Variants in ANKRD10 observed in about 807,000 individuals in gnomAD.
The protein encoded by ANKRD10 is ankyrin repeat domain 10, also known as ankyrin repeat domain-containing protein 10.
ANKRD10 carries 14 observed loss-of-function variants against 27.0 expected under a neutral mutation model. The ratio of observed to expected loss-of-function variants is 0.52; its 90% CI spans 0.34 to 0.81. ANKRD10 has a LOEUF of 0.81. Ranked by LOEUF, ANKRD10 falls within the 40% of genes least tolerant of loss-of-function variation. The probability of loss-of-function intolerance (pLI) is 0.01; values close to 1 mark genes in which losing one functional copy is unlikely to be tolerated. For synonymous variants in ANKRD10, 250 were observed against 224.5 expected (o/e 1.11, Z -1.01); for missense variants, 493 against 544.0 (o/e 0.91, Z 0.93).
intron 1 of ANKRD10, chr13:110,911,758 AAC>A (rs1407475441): frequency 6.6e-6 from 1 of 152,286 alleles, no homozygotes; most frequent in African/African-American, 2.4e-5. Flanking sequence ...CAGCGTGGGC[AAC>A]AGAGCAAGAC....
intron 4 of ANKRD10, among the ~76,000 whole-genome samples, chr13:110,892,220 C>T (rs536788870): frequency 6.7e-6 from 1 of 149,234 alleles, no homozygotes; most frequent in South Asian, 2.1e-4. Context: ...TTACTGGAGG[C>T]CAGGAGTTCA....
intron 3 of ANKRD10, among the ~76,000 whole-genome samples, chr13:110,900,031 G>A (rs1233074644): frequency 6.6e-6 from 1 of 152,032 alleles, no homozygotes; most frequent in South Asian, 2.1e-4. Flanking sequence ...AGGCAACACA[G>A]GAAGACCCTG....
At chr13:110,888,255 G>A (rs906084551) in intron 4 of ANKRD10, among the ~76,000 whole-genome samples, 2 of 149,564 alleles carry the variant, frequency 1.3e-5, no homozygotes, top group African/African-American at 5.0e-5. Context: ...TCCCACTGGA[G>A]TGTCCACAAC....
intron 3 of ANKRD10, among the ~76,000 whole-genome samples, chr13:110,896,585 G>A (rs1237971334): frequency 2.0e-5 from 3 of 152,180 alleles, no homozygotes; most frequent in Admixed American, 2.0e-4. Context: ...GGCCTGAAAT[G>A]ATCATTAAGG....
At chr13:110,898,268 T>C (rs912091891) in intron 3 of ANKRD10, among the ~76,000 whole-genome samples, 1 of 152,192 alleles carries the variant, frequency 6.6e-6, no homozygotes, top group Non-Finnish European at 1.5e-5. Flanking sequence ...ACTTTTTTAA[T>C]AGTTAAATTT....
intron 3 of ANKRD10, among the ~76,000 whole-genome samples, chr13:110,900,146 C>T (rs531764565): frequency 6.6e-6 from 1 of 152,270 alleles, no homozygotes; most frequent in Non-Finnish European, 1.5e-5. Flanking sequence ...AAATTAGGCT[C>T]CACTCTGAAG....
chr13:110,914,341 G>A (rs990878361), intron 1 of ANKRD10, among the ~76,000 whole-genome samples: 6 of 152,124 alleles, frequency 3.9e-5, no homozygotes, highest in African/African-American at 1.4e-4. Flanking sequence ...GAAATCGCTC[G>A]CGCCTCCGGC....
chr13:110,881,406 T>C (rs1381551600), intron 5 of ANKRD10, among the ~76,000 whole-genome samples: 3 of 152,220 alleles, frequency 2.0e-5, no homozygotes, highest in Admixed American at 2.0e-4. Context: ...TTCCTGCCAA[T>C]AAAGGATCAC....
In ANKRD10 at chr13:110,893,195, T is replaced by C. The variant is rs1435407506; in HGVS notation, c.524A>G (p.Gln175Arg). Residue 175 changes from glutamine to arginine, a missense_variant, in exon 4 of 6, where the codon CAG (glutamine) becomes CGG (arginine). By Grantham distance (43) the Gln-to-Arg change is conservative. Transcript: ENST00000267339. ...AQTQGFQECA[Q>R]FLLNLQNCHL... Reference sequence around the variant, plus strand: ...ACAATTCTGGAGGTTCAAGAGAAACTGGGCACACTCTTGGAAACCCTGGGT... The same window carrying C: ...ACAATTCTGGAGGTTCAAGAGAAACCGGGCACACTCTTGGAAACCCTGGGT... 8 of 1,614,058 alleles carry C rather than the reference T, an allele frequency of 5.0e-6. No individual in the cohort carries two copies. Among genetic ancestry groups the C allele is most frequent in the Non-Finnish European group, 6.8e-6 (8 of 1,180,028 alleles).
chr13:110,892,722 GATAT>G, intron 4 of ANKRD10: 2 of 1,021,176 alleles, frequency 2.0e-6, no homozygotes, highest in Non-Finnish European at 2.3e-6. Context: ...TTCTTTAATA[GATAT>G]ATTTCAAACA....
rs2064772255 is a variant in ANKRD10, at chr13:110,879,615, TCC to T, written c.*20_*21del. ...GGCTACCAGGAAGGACTCCTGCGTTTCCGAGAGCCAGGTCAGCGTCTCTAGGA... is the reference window on the plus strand; with the variant it reads ...GGCTACCAGGAAGGACTCCTGCGTTTGAGAGCCAGGTCAGCGTCTCTAGGA... On this transcript the variant is annotated 3_prime_UTR_variant, in exon 6 of 6. Coordinates refer to ENST00000267339, the MANE Select transcript of ANKRD10 (RefSeq NM_017664.4). 2 of 1,587,430 alleles carry T rather than the reference TCC, an allele frequency of 1.3e-6. No homozygotes were observed. The highest frequency in any genetic ancestry group is 1.7e-6 in the Non-Finnish European group (2 of 1,160,688).
At position 110,885,654 on chromosome 13, in the gene ANKRD10, C is replaced by T. The variant is rs528689964; in HGVS notation, c.692-1861G>A. 2.6e-4 allele frequency among the ~76,000 whole-genome samples: 40 copies of T among 152,282 alleles called. No homozygotes were observed. In the South Asian group the frequency reaches 7.9e-3, roughly 30 times the overall value. On this transcript the variant is annotated intron_variant, in intron 4 of 5. Transcript: ENST00000267339. Reference sequence around the variant, plus strand: ...CAAAGTCGTCTCAACCTCCAGGAGCCTTCATGGCACGCAGACACAGAGAAC... The same window carrying T: ...CAAAGTCGTCTCAACCTCCAGGAGCTTTCATGGCACGCAGACACAGAGAAC...
At chr13:110,880,806 G>A (rs529895525) in intron 5 of ANKRD10, among the ~76,000 whole-genome samples, 8 of 152,202 alleles carry the variant, frequency 5.3e-5, no homozygotes, top group Admixed American at 3.9e-4. Context: ...AGAGACCGGC[G>A]ACCACAGCAA....
intron 1 of ANKRD10, 102 bp downstream of exon 1, chr13:110,914,623 C>G (rs2065832393): frequency 1.4e-6 from 2 of 1,431,968 alleles, no homozygotes; most frequent in African/African-American, 1.5e-5. Context: ...GCTTCCGCCC[C>G]GCGATCCCGG....
At chr13:110,909,950 A>C (rs2065648745) in intron 2 of ANKRD10, among the ~76,000 whole-genome samples, 1 of 152,256 alleles carries the variant, frequency 6.6e-6, no homozygotes, top group South Asian at 2.1e-4. Flanking sequence ...ATCCATCTGC[A>C]GCAAAGGACG....
At chr13:110,900,802 A>G in intron 3 of ANKRD10, 1 of 650,872 alleles carries the variant, frequency 1.5e-6, no homozygotes, top group Non-Finnish European at 2.4e-6. Context: ...GGGATCACAT[A>G]TTTGCAGGCA....
intron 2 of ANKRD10, among the ~76,000 whole-genome samples, chr13:110,906,705 T>G (rs1293671157): frequency 6.6e-6 from 1 of 152,194 alleles, no homozygotes; most frequent in Non-Finnish European, 1.5e-5. Flanking sequence ...GAGGGAATAT[T>G]TACTAAATAT....
At chr13:110,884,024 T>C (rs759840991) in intron 4 of ANKRD10, among the ~76,000 whole-genome samples, 1 of 152,244 alleles carries the variant, frequency 6.6e-6, no homozygotes, top group African/African-American at 2.4e-5. Context: ...ATGCCTATTA[T>C]AGATTTACTT....
At chr13:110,914,235 G>A (rs1287608692) in intron 1 of ANKRD10, among the ~76,000 whole-genome samples, 1 of 152,156 alleles carries the variant, frequency 6.6e-6, no homozygotes, top group Non-Finnish European at 1.5e-5. Context: ...GAACCAGAAG[G>A]TCGACCGCGC....
Sources: gnomAD v4.1 joint callset for allele counts (sites outside exome capture counted in the v4.1 genomes callset) on GRCh38, gnomAD v4.1.1 for gene constraint, MANE v1.5 for transcripts, NCBI Gene and HGNC (gene_info 2026-07-23, HGNC 2026-07-21) for gene names.